The following ACSS3 variants were observed in gnomAD, a reference collection of about 807,000 sequenced individuals.
ACSS3 encodes the protein acyl-CoA synthetase short chain family member 3, also known as acyl-CoA synthetase short-chain family member 3, mitochondrial.
ACSS3 carries 64 observed loss-of-function variants against 84.2 expected under a neutral mutation model. The observed-to-expected ratio is 0.76, with a 90% confidence interval of 0.62 to 0.94. The LOEUF (loss-of-function observed/expected upper bound fraction) is 0.94. ACSS3 is among the 40% of genes least tolerant of loss of function. The probability of loss-of-function intolerance (pLI) is 0.00; values close to 1 mark genes in which losing one functional copy is unlikely to be tolerated. For synonymous variants in ACSS3, 317 were observed against 310.1 expected (o/e 1.02, Z -0.23); for missense variants, 815 against 867.6 (o/e 0.94, Z 0.76).
intron 13 of ACSS3, among the ~76,000 whole-genome samples, chr12:81,252,754 G>A (rs1262082471): frequency 6.6e-6 from 1 of 152,066 alleles, no homozygotes; most frequent in Non-Finnish European, 1.5e-5. Flanking sequence ...TCTGATGTCA[G>A]GGCTTCTCTC....
intron 15 of ACSS3, among the ~76,000 whole-genome samples, chr12:81,254,266 C>T (rs1042040139): frequency 1.3e-5 from 2 of 152,078 alleles, no homozygotes; most frequent in Non-Finnish European, 2.9e-5. Context: ...CAGTTAAATT[C>T]AAACAAATTT....
At chr12:81,141,589 C>T (rs542597856) in intron 4 of ACSS3, among the ~76,000 whole-genome samples, 3 of 152,256 alleles carry the variant, frequency 2.0e-5, no homozygotes, top group African/African-American at 7.2e-5. Flanking sequence ...CTCCTTTGCA[C>T]ATACCTCTGT....
rs138130485 is a variant in ACSS3, at chr12:81,192,109, C to T, written c.1251-7232C>T. Among the ~76,000 whole-genome samples, 324 of 152,176 alleles carry T rather than the reference C, an allele frequency of 2.1e-3. 1 individual carries two copies. The highest frequency in any genetic ancestry group is 7.1e-3 in the African/African-American group (294 of 41,520). ...AGAAAATAGCTATTTTGGCCGGGTG[C>T]GGTGGCTCGTGCCTGTAATCCCAGC... On this transcript the variant is annotated intron_variant, in intron 8 of 15. Coordinates refer to ENST00000548058, the MANE Select transcript of ACSS3 (RefSeq NM_024560.4).
intron 4 of ACSS3, among the ~76,000 whole-genome samples, chr12:81,139,803 T>G (rs1886002715): frequency 6.6e-6 from 1 of 151,562 alleles, no homozygotes; most frequent in East Asian, 2.0e-4. Flanking sequence ...ACCCGGCTAA[T>G]TTTTTGTATT....
chr12:81,092,321 A>T (rs1297880457), intron 1 of ACSS3, among the ~76,000 whole-genome samples: 1 of 152,164 alleles, frequency 6.6e-6, no homozygotes, highest in Non-Finnish European at 1.5e-5. Flanking sequence ...TCAAGCGAGG[A>T]AAAAGGGCAT....
chr12:81,259,543 G>T lies in ACSS3; in HGVS notation c.*4621G>T. 2 of 1,275,566 alleles carry T rather than the reference G, an allele frequency of 1.6e-6. No individual in the cohort carries two copies. Among genetic ancestry groups the T allele is most frequent in the Non-Finnish European group, 2.2e-6 (2 of 921,294 alleles). 79.0% of individuals were successfully genotyped at this position (1,275,566 alleles called of 1,614,324 possible). On this transcript the variant is annotated 3_prime_UTR_variant, in exon 16 of 16. Coordinates refer to ENST00000548058, the MANE Select transcript of ACSS3 (RefSeq NM_024560.4). ...CTCCCCCCAAAAATCACATTTTTCAGCTTTTAATAAGTCATGACGTCATTA... is the reference window on the plus strand; with the variant it reads ...CTCCCCCCAAAAATCACATTTTTCATCTTTTAATAAGTCATGACGTCATTA...
At chr12:81,110,651 T>C (rs1303666014) in intron 2 of ACSS3, among the ~76,000 whole-genome samples, 4 of 152,332 alleles carry the variant, frequency 2.6e-5, no homozygotes, top group Admixed American at 1.3e-4. Flanking sequence ...GCCATGTACA[T>C]GGCACGACAT....
chr12:81,233,518 G>A (rs1309409912), intron 13 of ACSS3, 47 bp downstream of exon 13: 1 of 1,600,746 alleles, frequency 6.2e-7, no homozygotes, highest in East Asian at 2.2e-5. Context: ...CTTAGGCACA[G>A]AGCTGCACTG....
At chr12:81,099,937 C>G (rs1314252276) in intron 1 of ACSS3, among the ~76,000 whole-genome samples, 1 of 152,158 alleles carries the variant, frequency 6.6e-6, no homozygotes, top group Non-Finnish European at 1.5e-5. Flanking sequence ...CTCTTAAAAA[C>G]CCTTCAGATA....
intron 7 of ACSS3, among the ~76,000 whole-genome samples, chr12:81,167,553 G>C (rs1459427452): frequency 6.6e-6 from 1 of 152,116 alleles, no homozygotes; most frequent in Non-Finnish European, 1.5e-5. Context: ...CCTTGTTTCT[G>C]TGTCCTCCAG....
intron 1 of ACSS3, chr12:81,094,463 A>G (rs1881893671): frequency 6.6e-6 from 1 of 152,208 alleles, no homozygotes; most frequent in Non-Finnish European, 1.5e-5. Context: ...CTCCCTGTGT[A>G]TCTCTCCCAA....
At chr12:81,250,540 TAAG>T (rs1374768553) in intron 13 of ACSS3, among the ~76,000 whole-genome samples, 4 of 151,972 alleles carry the variant, frequency 2.6e-5, no homozygotes, top group Non-Finnish European at 4.4e-5. Flanking sequence ...GCACTAAGAC[TAAG>T]GACAAAAACT....
At position 81,260,976 on chromosome 12, in the gene ACSS3, C is replaced by T. The variant is rs569802718; in HGVS notation, c.*6054C>T. ...CTATTAAGACTGTTTTTCAATAAAA[C>T]CTCATTTTTATATGGATTTTAAAGT... On this transcript the variant is annotated 3_prime_UTR_variant, in exon 16 of 16. Coordinates refer to ENST00000548058, the MANE Select transcript of ACSS3 (RefSeq NM_024560.4). 9.3e-4 allele frequency: 140 copies of T among 150,610 alleles called. 1 individual carries two copies. Among genetic ancestry groups the T allele is most frequent in the African/African-American group, 3.2e-3 (133 of 41,198 alleles). 9.3% of individuals were successfully genotyped at this position (150,610 alleles called of 1,614,324 possible).
chr12:81,206,925 T>C (rs1191289819), intron 9 of ACSS3, among the ~76,000 whole-genome samples: 1 of 152,124 alleles, frequency 6.6e-6, no homozygotes, highest in African/African-American at 2.4e-5. Context: ...TTTATAGCAT[T>C]ATAATGTAAA....
chr12:81,077,937 GC>G, upstream of ACSS3: 4 of 662,888 alleles, frequency 6.0e-6, no homozygotes, highest in Non-Finnish European at 9.5e-6. Context: ...CCCCACTTTA[GC>G]CTGTTGCTTC....
intron 2 of ACSS3, among the ~76,000 whole-genome samples, chr12:81,123,526 T>A (rs1251183301): frequency 1.3e-5 from 2 of 152,110 alleles, no homozygotes; most frequent in African/African-American, 4.8e-5. Context: ...CATGTGCAGG[T>A]TAATTACATG....
intron 1 of ACSS3, among the ~76,000 whole-genome samples, chr12:81,093,672 A>G (rs12319206): frequency 0.14 from 20,710 of 151,844 alleles, 1,556 homozygotes; most frequent in African/African-American, 0.2. Context: ...GTTCATTTGT[A>G]TCCATAATCC....
intron 13 of ACSS3, among the ~76,000 whole-genome samples, chr12:81,237,748 A>G (rs1403381769): frequency 1.3e-5 from 2 of 151,730 alleles, no homozygotes; most frequent in East Asian, 1.9e-4. Context: ...GATATTCTAC[A>G]TATATACGAT....
chr12:81,170,429 G>A (rs962377567), intron 7 of ACSS3, among the ~76,000 whole-genome samples: 1 of 152,078 alleles, frequency 6.6e-6, no homozygotes, highest in Non-Finnish European at 1.5e-5. Context: ...ATTAGCAATT[G>A]ATGTTTTATA....
Sources: allele counts gnomAD v4.1 joint callset (sites outside exome capture counted in the v4.1 genomes callset), GRCh38; gene constraint gnomAD v4.1.1; transcripts MANE v1.5; gene names NCBI Gene and HGNC (gene_info 2026-07-23, HGNC 2026-07-21).